TENM2: variants seen among roughly 807,000 people sequenced by gnomAD.
TENM2 encodes the protein teneurin-2.
Under a neutral mutation model 245.2 loss-of-function variants are expected in TENM2, and 52 were observed. The ratio of observed to expected loss-of-function variants is 0.21; its 90% CI spans 0.17 to 0.27. The LOEUF (loss-of-function observed/expected upper bound fraction) is 0.27, where lower values mean the gene tolerates loss of function less well. Among genes scored for constraint, TENM2 ranks in the 10% least tolerant of loss-of-function variants. The pLI is 1.00. For missense variants in TENM2, 3,046 were observed against 3,666.8 expected, an observed-to-expected ratio of 0.83 and a Z score of 4.37; for synonymous variants, 1,363 against 1,438.9, an observed-to-expected ratio of 0.95 and a Z score of 1.19.
chr5:167,392,099 A>G (rs1427724337), intron 2 of TENM2, among the ~76,000 whole-genome samples: 1 of 152,110 alleles, frequency 6.6e-6, no homozygotes, highest in Non-Finnish European at 1.5e-5. Flanking sequence ...CTCTCAACCC[A>G]CAGTCTTTTT....
At chr5:167,417,635 T>C (rs936405779) in intron 2 of TENM2, among the ~76,000 whole-genome samples, 2 of 152,174 alleles carry the variant, frequency 1.3e-5, no homozygotes, top group Non-Finnish European at 2.9e-5. Flanking sequence ...AGTTTAAGCA[T>C]CATGGCATTC....
chr5:167,267,125 G>A, the TENM2 span, among the ~76,000 whole-genome samples: 1 of 152,148 alleles, frequency 6.6e-6, no homozygotes, highest in African/African-American at 2.4e-5. Flanking sequence ...ACCTAGGAAG[G>A]CATTTAATAG....
rs542259792 is a variant in TENM2, at chr5:167,589,337, C to A, written c.502+213864C>A. On this transcript the variant is annotated intron_variant, in intron 2 of 28. Coordinates refer to ENST00000518659, the Ensembl canonical transcript of TENM2. ...AATGCATGATACACAAATTATTTAA[C>A]AATAGTTGAATATTATCAAACTAGT... Among the ~76,000 whole-genome samples, 6 of 152,166 alleles carry A rather than the reference C, an allele frequency of 3.9e-5. No individual in the cohort carries two copies. The South Asian group carries it at 1.2e-3, about 32-fold the overall frequency.
chr5:167,195,873 A>G, the TENM2 span, among the ~76,000 whole-genome samples: 2 of 152,014 alleles, frequency 1.3e-5, no homozygotes, highest in Non-Finnish European at 2.9e-5. Context: ...GTATTTGGAT[A>G]CCAAACCTTT....
the TENM2 span, among the ~76,000 whole-genome samples, chr5:167,239,527 C>T: frequency 6.6e-6 from 1 of 152,094 alleles, no homozygotes; most frequent in African/African-American, 2.4e-5. Flanking sequence ...TATACGGTTG[C>T]CATAGTGTCG....
chr5:167,638,575 A>T (rs1779363845), intron 2 of TENM2, among the ~76,000 whole-genome samples: 1 of 152,248 alleles, frequency 6.6e-6, no homozygotes, highest in Non-Finnish European at 1.5e-5. Context: ...AGTGTGAAGG[A>T]TGAAGCATTC....
At chr5:167,945,579 G>A (rs529987304) in intron 3 of TENM2, among the ~76,000 whole-genome samples, 14 of 152,276 alleles carry the variant, frequency 9.2e-5, no homozygotes, top group Non-Finnish European at 1.3e-4. Flanking sequence ...CTTTACGAAC[G>A]TAGGCAGAGC....
chr5:167,448,550 T>C (rs1223612580), intron 2 of TENM2, among the ~76,000 whole-genome samples: 1 of 149,362 alleles, frequency 6.7e-6, no homozygotes, highest in African/African-American at 2.5e-5. Context: ...CTGCTATAAA[T>C]AGGAAAACAA....
At chr5:167,563,832 G>T (rs991437103) in intron 2 of TENM2, among the ~76,000 whole-genome samples, 1 of 152,176 alleles carries the variant, frequency 6.6e-6, no homozygotes, top group Admixed American at 6.5e-5. Context: ...GTAACATGCT[G>T]TACCGGTTTG....
intron 1 of TENM2, among the ~76,000 whole-genome samples, chr5:167,321,941 G>A (rs1055243186): frequency 6.6e-6 from 1 of 151,434 alleles, no homozygotes; most frequent in South Asian, 2.1e-4. Context: ...CAATTCTCTG[G>A]CCTCAGCCTC....
chr5:168,200,979 C>G (rs1761886860), intron 17 of TENM2, among the ~76,000 whole-genome samples: 1 of 152,130 alleles, frequency 6.6e-6, no homozygotes, highest in Admixed American at 6.6e-5. Flanking sequence ...TAATTGGTAG[C>G]CAATGTGTAT....
chr5:168,104,785 G>A (rs562870389), intron 9 of TENM2, among the ~76,000 whole-genome samples: 18 of 152,180 alleles, frequency 1.2e-4, no homozygotes, highest in Admixed American at 2.6e-4. Context: ...AGGATCCAAT[G>A]GCAAAATGAA....
intron 2 of TENM2, among the ~76,000 whole-genome samples, chr5:167,797,533 A>G (rs1765406241): frequency 6.6e-6 from 1 of 152,210 alleles, no homozygotes; most frequent in Admixed American, 6.5e-5. Context: ...CGTTTGTGGC[A>G]GTGGGGCTAA....
At chr5:166,982,574 T>C in the TENM2 span, among the ~76,000 whole-genome samples, 5,251 of 152,156 alleles carry the variant, frequency 0.035, 133 homozygotes, top group Middle Eastern at 0.072. Context: ...AGGCACAACT[T>C]AGCATCACCC....
chr5:168,188,881 A>T (rs1352540511), intron 13 of TENM2, among the ~76,000 whole-genome samples: 1 of 152,132 alleles, frequency 6.6e-6, no homozygotes, highest in East Asian at 1.9e-4. Context: ...GGATGTACAG[A>T]ACAGGGATTC....
chr5:168,015,786 G>A (rs1270635072), intron 5 of TENM2, among the ~76,000 whole-genome samples: 9 of 152,172 alleles, frequency 5.9e-5, no homozygotes, highest in Admixed American at 5.9e-4. Context: ...CTCTCCTTCA[G>A]ATCAGAAGGG....
intron 25 of TENM2, among the ~76,000 whole-genome samples, chr5:168,237,123 C>T (rs1765579103): frequency 7.1e-6 from 1 of 140,108 alleles, no homozygotes; most frequent in African/African-American, 2.7e-5. Context: ...TCAAGCCATT[C>T]TCCTGCCTCA....
intron 2 of TENM2, among the ~76,000 whole-genome samples, chr5:167,424,962 TTATTA>T (rs1321572881): frequency 2.6e-5 from 4 of 152,206 alleles, no homozygotes; most frequent in Non-Finnish European, 4.4e-5. Flanking sequence ...TTAAGCTGTT[TTATTA>T]TAAGTATATC....
intron 2 of TENM2, among the ~76,000 whole-genome samples, chr5:167,525,260 T>C (rs1356007640): frequency 6.6e-6 from 1 of 152,204 alleles, no homozygotes; most frequent in African/African-American, 2.4e-5. Context: ...GACATGATCA[T>C]GTGTCACAAT....
Sources: gnomAD v4.1 joint callset for allele counts (sites outside exome capture counted in the v4.1 genomes callset) on GRCh38, gnomAD v4.1.1 for gene constraint, MANE v1.5 for transcripts, NCBI Gene and HGNC (gene_info 2026-07-23, HGNC 2026-07-21) for gene names.